Variants in PPP1R12A observed in about 807,000 individuals in gnomAD.
PPP1R12A encodes myosin binding subunit.
Under a neutral mutation model 139.6 loss-of-function variants are expected in PPP1R12A, and 19 were observed. The ratio of observed to expected loss-of-function variants is 0.14; its 90% CI spans 0.09 to 0.20. The LOEUF (loss-of-function observed/expected upper bound fraction) is 0.20, where lower values mean the gene tolerates loss of function less well. Ranked by LOEUF, PPP1R12A falls within the 10% of genes least tolerant of loss-of-function variation. PPP1R12A has a pLI of 1.00. For missense variants in PPP1R12A, 925 were observed against 1,211.5 expected (o/e 0.76, Z 3.51); for synonymous variants, 427 against 420.6 (o/e 1.02, Z -0.19).
In PPP1R12A at chr12:79,793,873, T is replaced by C. The variant is rs748729238; in HGVS notation, c.2639A>G (p.Lys880Arg). The change falls in exon 19 of 25, where the codon AAA becomes AGA. Residue 880 changes from lysine to arginine, a missense_variant. By Grantham distance (26) the Lys-to-Arg change is conservative. Transcript: ENST00000450142. ...AGTAATGGTATTTACCTGAGTTTCT[T>C]TCTTATTGGATCCCTCTTCTGTGTC... ...QSDTEEGSNK[K>R]ETQTDSISRY... is the part of the protein sequence containing the mutation. 3 of 1,590,014 alleles carry C rather than the reference T, an allele frequency of 1.9e-6. No homozygotes were observed. The highest frequency in any genetic ancestry group is 2.7e-5 in the African/African-American group (2 of 73,838).
chr12:79,877,707 G>A (rs986857342), intron 1 of PPP1R12A, among the ~76,000 whole-genome samples: 4 of 152,060 alleles, frequency 2.6e-5, no homozygotes, highest in Non-Finnish European at 5.9e-5. Context: ...GTAGAAATGG[G>A]GTTTCAACAT....
chr12:79,828,489 C>T, intron 4 of PPP1R12A, 25 bp from the exon 5 acceptor site: 2 of 1,494,126 alleles, frequency 1.3e-6, no homozygotes, highest in Non-Finnish European at 1.8e-6. Context: ...GTGAATTAGA[C>T]AATCATTAAA....
chr12:79,901,910 C>G (rs933465229), intron 1 of PPP1R12A, among the ~76,000 whole-genome samples: 1 of 151,848 alleles, frequency 6.6e-6, no homozygotes, highest in African/African-American at 2.4e-5. Context: ...ACTTAAAGAA[C>G]GAATAGGAGT....
Position 79,776,000 on chromosome 12 carries a change from T to G in PPP1R12A, c.3022A>C (p.Lys1008Gln). 1 of 1,597,210 alleles carries G rather than the reference T, an allele frequency of 6.3e-7. No individual in the cohort carries two copies. The highest frequency in any genetic ancestry group is 8.5e-7 in the Non-Finnish European group (1 of 1,170,760). Residue 1008 changes from lysine to glutamine, a missense_variant, in exon 25 of 25, where the codon AAA (lysine) becomes CAA (glutamine). Lys to Gln is a moderately conservative substitution (Grantham distance 53). Around this residue, in one of 4 missense-constraint regions of PPP1R12A, gnomAD observed 315 missense variants for 363.4 expected, o/e 0.87. Transcript: ENST00000450142. ...TCCTTTAGCCTCTGGTTGTCTGCTT[T>G]TAGGTCTGGTAACATCTATAAAGAG... ...EEELKMLPDL[K>Q]ADNQRLKDEN...
intron 1 of PPP1R12A, among the ~76,000 whole-genome samples, chr12:79,885,218 C>T: frequency 6.6e-6 from 1 of 151,978 alleles, no homozygotes; most frequent in South Asian, 2.1e-4. Flanking sequence ...TGGGTAAACT[C>T]CCATCTTGTG....
intron 14 of PPP1R12A, among the ~76,000 whole-genome samples, chr12:79,804,818 T>C (rs1003994295): frequency 6.6e-6 from 1 of 152,174 alleles, no homozygotes; most frequent in Admixed American, 6.5e-5. Context: ...ATCTTGGGGC[T>C]AGCCTCAGCC....
At position 79,781,803 on chromosome 12, in the gene PPP1R12A, TG is replaced by T; in HGVS notation, c.2955+11del. The T allele has an allele frequency of 6.7e-7, 1 of 1,482,466 alleles. No homozygotes were observed. The highest frequency in any genetic ancestry group is 1.3e-5 in the South Asian group (1 of 76,770). 91.8% of individuals were successfully genotyped at this position (1,482,466 alleles called of 1,614,324 possible). A position where few individuals can be genotyped will look rare whatever the true frequency, so the allele number is the denominator to read the frequency against. On this transcript the variant is annotated intron_variant, in intron 23 of 24. Coordinates refer to ENST00000450142, the MANE Select transcript of PPP1R12A (RefSeq NM_002480.3). ...AAGAAAAAAATAATTATTTAATAAG[TG>T]GGACACTTACCCTTTTTTCCATTTC...
intron 1 of PPP1R12A, among the ~76,000 whole-genome samples, chr12:79,926,884 T>G (rs553028176): frequency 6.6e-6 from 1 of 151,978 alleles, no homozygotes; most frequent in African/African-American, 2.4e-5. Context: ...TATAAAAAAT[T>G]TACTGTAAAT....
At chr12:79,927,174 T>A (rs1181567080) in intron 1 of PPP1R12A, among the ~76,000 whole-genome samples, 1 of 151,842 alleles carries the variant, frequency 6.6e-6, no homozygotes, top group African/African-American at 2.4e-5. Flanking sequence ...GGTGACAGAG[T>A]CTGTCACCCT....
At chr12:79,926,799 C>A (rs185838152) in intron 1 of PPP1R12A, among the ~76,000 whole-genome samples, 24 of 152,108 alleles carry the variant, frequency 1.6e-4, no homozygotes, top group Non-Finnish European at 2.9e-5. Context: ...TCTTCCCCCC[C>A]ACCCCCAGTA....
chr12:79,845,652 C>T (rs953741754), intron 2 of PPP1R12A, among the ~76,000 whole-genome samples: 10 of 152,154 alleles, frequency 6.6e-5, no homozygotes, highest in East Asian at 1.9e-4. Flanking sequence ...CATCCTAACA[C>T]GGTGAAACCC....
chr12:79,832,961 T>C (rs1877609399), intron 3 of PPP1R12A, among the ~76,000 whole-genome samples: 2 of 152,336 alleles, frequency 1.3e-5, no homozygotes, highest in South Asian at 4.2e-4. Flanking sequence ...TAAAATAGAT[T>C]ATTTCTCTAG....
rs74965114 is a variant in PPP1R12A at position 79,897,209 on chromosome 12, A to G, written c.238-24271T>C. Among the ~76,000 whole-genome samples, 919 of 152,318 alleles carry G rather than the reference A, an allele frequency of 6.0e-3. 5 individuals carry two copies. The highest frequency in any genetic ancestry group is 0.017 in the Middle Eastern group (5 of 294). On this transcript the variant is annotated intron_variant, in intron 1 of 24. Coordinates refer to ENST00000450142, the MANE Select transcript of PPP1R12A (RefSeq NM_002480.3). ...ACACCATGGAATTCTAGAGAGCCAT[A>G]AAAAAATAACGAAATCATGTCTTCT...
chr12:79,802,178 T>C (rs968478731), intron 14 of PPP1R12A, among the ~76,000 whole-genome samples: 28 of 152,118 alleles, frequency 1.8e-4, no homozygotes, highest in African/African-American at 6.5e-4. Context: ...CACAATAAAA[T>C]ATTGAAAGGT....
chr12:79,806,793 A>T (rs1448284840), intron 12 of PPP1R12A: 1 of 161,460 alleles, frequency 6.2e-6, no homozygotes, highest in Non-Finnish European at 1.3e-5. Flanking sequence ...TAGTAAAGAA[A>T]TTGTTTATAG....
Position 79,774,579 on chromosome 12 carries a change from T to C in PPP1R12A, c.*1350A>G, listed in dbSNP as rs1869539931. 1.3e-5 allele frequency: 2 copies of C among 152,418 alleles called. No individual in the cohort carries two copies. The highest frequency in any genetic ancestry group is 6.6e-5 in the Admixed American group (1 of 15,260). 9.4% of individuals were successfully genotyped at this position (152,418 alleles called of 1,614,324 possible). On this transcript the variant is annotated 3_prime_UTR_variant, in exon 25 of 25. Transcript: ENST00000450142. Reference sequence around the variant, plus strand: ...GGTTTAATGAAAATATAAAAGCTATTTGTCCAAATAAAAGCCATCGTCACT... The same window carrying C: ...GGTTTAATGAAAATATAAAAGCTATCTGTCCAAATAAAAGCCATCGTCACT...
chr12:79,777,172 A>C (rs1233891835), intron 24 of PPP1R12A: 1 of 893,918 alleles, frequency 1.1e-6, no homozygotes, highest in African/African-American at 1.8e-5. Context: ...TTATATGTAA[A>C]ATGTTATATA....
At chr12:79,778,404 G>A (rs924435458) in intron 24 of PPP1R12A, 146 bp downstream of exon 24, 2 of 486,606 alleles carry the variant, frequency 4.1e-6, no homozygotes, top group East Asian at 3.6e-5. Context: ...CCTGGATTCA[G>A]GAAGAAAGAG....
chr12:79,873,013 T>C (rs1049173290), intron 1 of PPP1R12A, 75 bp from the exon 2 acceptor site: 2 of 1,410,498 alleles, frequency 1.4e-6, no homozygotes, highest in African/African-American at 2.9e-5. Context: ...TAGAATAAAA[T>C]TCCTACTTTG....
Sources: gnomAD v4.1 joint callset for allele counts (sites outside exome capture counted in the v4.1 genomes callset) on GRCh38, gnomAD v4.1.1 for gene constraint, gnomAD v4.1.1 regional missense constraint, MANE v1.5 for transcripts, NCBI Gene and HGNC (gene_info 2026-07-23, HGNC 2026-07-21) for gene names.